Variants in GRIN2B observed in about 807,000 individuals in gnomAD.
The protein encoded by GRIN2B is glutamate receptor ionotropic, NMDA 2B.
GRIN2B carries 5 observed loss-of-function variants against 114.5 expected under a neutral mutation model. That is an observed-to-expected ratio of 0.04 (90% CI 0.02 to 0.09). The LOEUF (loss-of-function observed/expected upper bound fraction) is 0.09. GRIN2B is among the 10% of genes least tolerant of loss of function. The pLI is 1.00. For synonymous variants in GRIN2B, 787 were observed against 745.1 expected (o/e 1.06, Z -0.92); for missense variants, 1,108 against 1,943.5 (o/e 0.57, Z 8.08).
chr12:13,598,952 G>A (rs1949113105), intron 10 of GRIN2B, among the ~76,000 whole-genome samples: 1 of 152,154 alleles, frequency 6.6e-6, no homozygotes, highest in African/African-American at 2.4e-5. Context: ...ACTTCCTCCT[G>A]GAGTGATGGC....
chr12:13,960,592 C>T (rs919160964), intron 2 of GRIN2B, among the ~76,000 whole-genome samples: 7 of 152,128 alleles, frequency 4.6e-5, no homozygotes, highest in Non-Finnish European at 1.0e-4. Flanking sequence ...AAAGAAGGCT[C>T]ATACTACCTA....
chr12:13,954,831 T>TAAAAAAAAAAAAAAAAAAA, intron 2 of GRIN2B, among the ~76,000 whole-genome samples: 1 of 30,276 alleles, frequency 3.3e-5, no homozygotes, highest in South Asian at 1.0e-3. Context: ...AAAAAAAAAC[T>TAAAAAAAAAAAAAAAAAAA]TTTTCTTCTT....
chr12:13,843,363 T>C (rs1028658114), intron 3 of GRIN2B, among the ~76,000 whole-genome samples: 1 of 152,172 alleles, frequency 6.6e-6, no homozygotes. Flanking sequence ...CTAGGGGTCA[T>C]TCCCATTTGA....
chr12:13,761,165 C>G (rs986364683), intron 3 of GRIN2B, among the ~76,000 whole-genome samples: 2 of 152,130 alleles, frequency 1.3e-5, no homozygotes, highest in Non-Finnish European at 2.9e-5. Context: ...GAAATTCAAG[C>G]AGATCTGGCA....
At chr12:13,829,056 C>T (rs1324273020) in intron 3 of GRIN2B, among the ~76,000 whole-genome samples, 1 of 152,096 alleles carries the variant, frequency 6.6e-6, no homozygotes, top group African/African-American at 2.4e-5. Flanking sequence ...TTAACCCTTC[C>T]TAGGGTAATT....
intron 4 of GRIN2B, among the ~76,000 whole-genome samples, chr12:13,701,359 C>G (rs1950311015): frequency 6.6e-6 from 1 of 152,110 alleles, no homozygotes; most frequent in African/African-American, 2.4e-5. Flanking sequence ...ACTAAAAATT[C>G]ATGGGGTGTC....
chr12:13,764,484 C>T (rs1266948287), intron 3 of GRIN2B, among the ~76,000 whole-genome samples: 1 of 152,158 alleles, frequency 6.6e-6, no homozygotes, highest in African/African-American at 2.4e-5. Context: ...TTGCCATCCT[C>T]CCCTGTGGGA....
chr12:13,583,024 G>T (rs1055476949), intron 10 of GRIN2B, among the ~76,000 whole-genome samples: 1 of 152,174 alleles, frequency 6.6e-6, no homozygotes, highest in Non-Finnish European at 1.5e-5. Flanking sequence ...GCAGAGCCAA[G>T]AAAGTGGGTT....
chr12:13,856,781 T>C (rs993995151), intron 3 of GRIN2B, among the ~76,000 whole-genome samples: 4 of 152,150 alleles, frequency 2.6e-5, no homozygotes, highest in African/African-American at 9.7e-5. Flanking sequence ...CACTGTTCAC[T>C]CTGAGCCATC....
At chr12:13,689,568 C>A (rs932922482) in intron 4 of GRIN2B, among the ~76,000 whole-genome samples, 1 of 152,148 alleles carries the variant, frequency 6.6e-6, no homozygotes. Flanking sequence ...CAGATACTTG[C>A]AACAGCCTCC....
At chr12:13,720,470 T>C (rs760011223) in intron 4 of GRIN2B, among the ~76,000 whole-genome samples, 1 of 152,134 alleles carries the variant, frequency 6.6e-6, no homozygotes, top group African/African-American at 2.4e-5. Flanking sequence ...TCTTTGTGAC[T>C]GTTCACCAAC....
At chr12:13,869,071 A>G (rs1325977100) in intron 2 of GRIN2B, among the ~76,000 whole-genome samples, 1 of 152,136 alleles carries the variant, frequency 6.6e-6, no homozygotes, top group African/African-American at 2.4e-5. Context: ...GGCTCTCACC[A>G]TAGCCTGCAT....
At position 13,545,847 on chromosome 12, in the gene GRIN2B, A is replaced by G. The variant is rs1302587572; in HGVS notation, c.*16936T>C. 6.6e-6 allele frequency: 1 copy of G among 152,208 alleles called. No homozygotes were observed. Among genetic ancestry groups the G allele is most frequent in the African/African-American group, 2.4e-5 (1 of 41,458 alleles). 9.4% of individuals were successfully genotyped at this position (152,208 alleles called of 1,614,324 possible). A position where few individuals can be genotyped will look rare whatever the true frequency, so the allele number is the denominator to read the frequency against. On this transcript the variant is annotated 3_prime_UTR_variant, in exon 14 of 14. Coordinates refer to ENST00000609686, the MANE Select transcript of GRIN2B (RefSeq NM_000834.5). The stretch of plus-strand genomic sequence containing the variant: ...ACGTTTTAGCTTTCCTGGTTTGCTT[A>G]GAACATATGATCTACTACCCGCCAG...
intron 10 of GRIN2B, among the ~76,000 whole-genome samples, chr12:13,575,683 A>G (rs1214009631): frequency 6.6e-6 from 1 of 150,594 alleles, no homozygotes; most frequent in Non-Finnish European, 1.5e-5. Flanking sequence ...CAATAATAAT[A>G]ATAATAATAA....
rs1323744843 is a variant in GRIN2B at position 13,717,063 on chromosome 12, ACG to A, written c.1010+36252_1010+36253del. 4.5e-4 allele frequency among the ~76,000 whole-genome samples: 34 copies of A among 75,184 alleles called. No individual in the cohort carries two copies. In the South Asian group the frequency reaches 8.4e-3, roughly 19 times the overall value. 49.3% of individuals were successfully genotyped at this position (75,184 alleles called of 152,430 possible). A position where few individuals can be genotyped will look rare whatever the true frequency, so the allele number is the denominator to read the frequency against. On this transcript the variant is annotated intron_variant, in intron 4 of 13. Coordinates refer to ENST00000609686, the MANE Select transcript of GRIN2B (RefSeq NM_000834.5). The stretch of plus-strand genomic sequence containing the variant: ...ATATGTTTGCATTGTATCATGCCAT[ACG>A]CGTGTGTGTGTGTGTGTGTGTGTGT...
chr12:13,921,126 G>T (rs1286488185), intron 2 of GRIN2B, among the ~76,000 whole-genome samples: 3 of 152,176 alleles, frequency 2.0e-5, no homozygotes, highest in Admixed American at 2.0e-4. Flanking sequence ...ACCAGGCATG[G>T]TAGCTCACAC....
At chr12:13,745,201 G>T (rs1223539983) in intron 4 of GRIN2B, among the ~76,000 whole-genome samples, 6 of 152,108 alleles carry the variant, frequency 3.9e-5, no homozygotes, top group African/African-American at 7.2e-5. Flanking sequence ...CCTCACTCAG[G>T]CTTCCAGTCC....
intron 3 of GRIN2B, among the ~76,000 whole-genome samples, chr12:13,858,539 T>C (rs1865700980): frequency 6.6e-6 from 1 of 152,222 alleles, no homozygotes; most frequent in African/African-American, 2.4e-5. Context: ...CAGGGAGTTT[T>C]TTTCAGCAAT....
chr12:13,665,622 C>T (rs181408512), intron 5 of GRIN2B, among the ~76,000 whole-genome samples: 1 of 152,276 alleles, frequency 6.6e-6, no homozygotes, highest in East Asian at 1.9e-4. Flanking sequence ...TTGGGAAAAT[C>T]ATGTGACCTC....
Sources: gnomAD v4.1 joint callset for allele counts (sites outside exome capture counted in the v4.1 genomes callset) on GRCh38, gnomAD v4.1.1 for gene constraint, MANE v1.5 for transcripts, NCBI Gene and HGNC (gene_info 2026-07-23, HGNC 2026-07-21) for gene names.